The following ADAMTS17 variants were observed in gnomAD, a reference collection of about 807,000 sequenced individuals.
ADAMTS17 encodes ADAM metallopeptidase with thrombospondin type 1 motif 17.
Under a neutral mutation model 141.5 loss-of-function variants are expected in ADAMTS17, and 113 were observed. That is an observed-to-expected ratio of 0.80 (90% CI 0.69 to 0.93). The LOEUF (loss-of-function observed/expected upper bound fraction) is 0.93. Among genes scored for constraint, ADAMTS17 ranks in the 40% least tolerant of loss-of-function variants. ADAMTS17 has a pLI of 0.00. For missense variants in ADAMTS17, 1,659 were observed against 1,517.9 expected, an observed-to-expected ratio of 1.09 and a Z score of -1.54; for synonymous variants, 768 against 630.6, an observed-to-expected ratio of 1.22 and a Z score of -3.27.
At chr15:100,313,742 C>T (rs567925995) in intron 3 of ADAMTS17, among the ~76,000 whole-genome samples, 73 of 151,670 alleles carry the variant, frequency 4.8e-4, no homozygotes, top group African/African-American at 7.5e-4. Context: ...CATGAAGAAA[C>T]GTCAGACAAA....
At chr15:100,333,162 ACT>A (rs1265658998) in intron 2 of ADAMTS17, among the ~76,000 whole-genome samples, 2 of 151,604 alleles carry the variant, frequency 1.3e-5, no homozygotes, top group Non-Finnish European at 2.9e-5. Context: ...AGCCCCCTGC[ACT>A]CTTACATTCC....
At chr15:100,277,844 C>A (rs1179908230) in intron 4 of ADAMTS17, among the ~76,000 whole-genome samples, 2 of 152,310 alleles carry the variant, frequency 1.3e-5, no homozygotes, top group East Asian at 3.9e-4. Flanking sequence ...CACCCACGTT[C>A]ATAGCAACAT....
chr15:100,238,893 T>G (rs1375922401), intron 7 of ADAMTS17, among the ~76,000 whole-genome samples: 1 of 152,180 alleles, frequency 6.6e-6, no homozygotes, highest in Non-Finnish European at 1.5e-5. Context: ...AAGACCAGCC[T>G]GGCCAACCTG....
chr15:100,086,140 G>A (rs572602179), intron 15 of ADAMTS17, among the ~76,000 whole-genome samples: 14 of 152,108 alleles, frequency 9.2e-5, no homozygotes, highest in Non-Finnish European at 1.6e-4. Context: ...CAAAATAAAG[G>A]GATGAAGGAA....
chr15:100,111,464 T>G (rs981603715), intron 13 of ADAMTS17, among the ~76,000 whole-genome samples: 1 of 152,194 alleles, frequency 6.6e-6, no homozygotes, highest in African/African-American at 2.4e-5. Flanking sequence ...CGAGGGAGCT[T>G]GCTTGACAGG....
intron 18 of ADAMTS17, among the ~76,000 whole-genome samples, chr15:100,028,663 G>A (rs750616542): frequency 6.6e-6 from 1 of 152,256 alleles, no homozygotes; most frequent in Non-Finnish European, 1.5e-5. Flanking sequence ...CGTACAGACA[G>A]GTTGAGTGGC....
rs536421822 is a variant in ADAMTS17, at chr15:100,152,757, T to G, written c.1328A>C (p.Lys443Thr). ...CGTGACTAGCAAGCAGGTGCTGACT[T>G]TTGACCTGAAACAGCCGAGAGGCAA... ...RDDLENFLKS[K>T]VSTCLLVTDP... The change falls in exon 10 of 22, where the codon AAA (lysine) becomes ACA (threonine). Residue 443 changes from lysine to threonine, a missense_variant. By Grantham distance (78) the Lys-to-Thr change is moderately conservative. Coordinates refer to ENST00000268070, the MANE Select transcript of ADAMTS17 (RefSeq NM_139057.4). 5.8e-5 allele frequency: 94 copies of G among 1,614,158 alleles called. 1 individual carries two copies. The South Asian group carries it at 1.0e-3, about 17-fold the overall frequency.
At chr15:100,128,778 C>T (rs1201531878) in intron 12 of ADAMTS17, 1 of 152,246 alleles carries the variant, frequency 6.6e-6, no homozygotes, top group East Asian at 1.9e-4. Context: ...GCTGTCTGAA[C>T]TGGGTGGTGT....
chr15:100,239,453 GCTAAGGGAAAAGAAGGT>G lies in ADAMTS17; in HGVS notation c.1075+14666_1075+14682del, dbSNP rs1360592132. On this transcript the variant is annotated intron_variant, in intron 7 of 21. Transcript: ENST00000268070. ...AAGCAACGCTCTTCAGCTCTCCAAGGCTAAGGGAAAAGAAGGTGCAGATCTCGGCACCGCTCCCAGGC... is the reference window on the plus strand; with the variant it reads ...AAGCAACGCTCTTCAGCTCTCCAAGGGCAGATCTCGGCACCGCTCCCAGGC... 6.8e-3 allele frequency among the ~76,000 whole-genome samples: 1,036 copies of G among 152,276 alleles called. 10 individuals are homozygous for G. The highest frequency in any genetic ancestry group is 0.023 in the African/African-American group (949 of 41,558).
chr15:100,200,854 C>T (rs1035515341), intron 7 of ADAMTS17, among the ~76,000 whole-genome samples: 6 of 151,488 alleles, frequency 4.0e-5, no homozygotes, highest in Non-Finnish European at 7.4e-5. Context: ...GTCCCTCTGT[C>T]GAACTGCACC....
At chr15:100,235,632 T>G (rs540662205) in intron 7 of ADAMTS17, among the ~76,000 whole-genome samples, 86 of 152,260 alleles carry the variant, frequency 5.6e-4, no homozygotes, top group African/African-American at 1.9e-3. Context: ...CTTCCCAGGT[T>G]TTGCTGATGC....
chr15:100,139,029 T>C (rs772006706), intron 10 of ADAMTS17, among the ~76,000 whole-genome samples: 4 of 152,102 alleles, frequency 2.6e-5, no homozygotes, highest in Non-Finnish European at 4.4e-5. Context: ...GTTTTGCAAA[T>C]TGATTGGTTA....
At chr15:100,132,213 G>A (rs1459331708) in intron 11 of ADAMTS17, 61 bp from the exon 12 acceptor site, 39 of 1,577,834 alleles carry the variant, frequency 2.5e-5, no homozygotes, top group Non-Finnish European at 2.8e-5. Context: ...ACTCCAGCCC[G>A]CCAGGCCCCA....
At chr15:100,324,125 C>A (rs777211147) in intron 3 of ADAMTS17, among the ~76,000 whole-genome samples, 1 of 151,596 alleles carries the variant, frequency 6.6e-6, no homozygotes. Context: ...GCCAACATGG[C>A]GAAACCCCAT....
intron 7 of ADAMTS17, among the ~76,000 whole-genome samples, chr15:100,216,562 T>C (rs1208866631): frequency 6.6e-6 from 1 of 152,232 alleles, no homozygotes; most frequent in Admixed American, 6.5e-5. Flanking sequence ...GGAACCGCAC[T>C]GTGCCTCCTT....
rs566354936 is a variant in ADAMTS17 at position 100,234,975 on chromosome 15, T to A, written c.1075+19161A>T. 6.6e-5 allele frequency among the ~76,000 whole-genome samples: 10 copies of A among 152,258 alleles called. No individual in the cohort carries two copies. In the South Asian group the frequency reaches 2.1e-3, roughly 32 times the overall value. ...CAGTGGGAACATGAGGGAAGAGGCATGAATAAGCTGAATTGGCTTAAGAAG... is the reference window on the plus strand; with the variant it reads ...CAGTGGGAACATGAGGGAAGAGGCAAGAATAAGCTGAATTGGCTTAAGAAG... On this transcript the variant is annotated intron_variant, in intron 7 of 21. Coordinates refer to ENST00000268070, the MANE Select transcript of ADAMTS17 (RefSeq NM_139057.4).
chr15:100,234,657 A>C (rs935008917), intron 7 of ADAMTS17, among the ~76,000 whole-genome samples: 2 of 152,166 alleles, frequency 1.3e-5, no homozygotes, highest in African/African-American at 4.8e-5. Flanking sequence ...TTATCTCAAA[A>C]CATATGTTTA....
At chr15:99,995,078 G>A (rs2060772850) in intron 19 of ADAMTS17, among the ~76,000 whole-genome samples, 1 of 152,230 alleles carries the variant, frequency 6.6e-6, no homozygotes, top group African/African-American at 2.4e-5. Context: ...TTGCATGCAG[G>A]AGCAGGGGTA....
intron 18 of ADAMTS17, among the ~76,000 whole-genome samples, chr15:100,008,230 G>A (rs1310979245): frequency 6.6e-6 from 1 of 152,090 alleles, no homozygotes; most frequent in Non-Finnish European, 1.5e-5. Context: ...GCCCAGAGGT[G>A]CCTGGGAGTC....
Sources: gnomAD v4.1 joint callset for allele counts (sites outside exome capture counted in the v4.1 genomes callset) on GRCh38, gnomAD v4.1.1 for gene constraint, MANE v1.5 for transcripts, NCBI Gene and HGNC (gene_info 2026-07-23, HGNC 2026-07-21) for gene names.